The following ERI3 variants were observed in gnomAD, a reference collection of about 807,000 sequenced individuals.
The protein encoded by ERI3 is ERI1 exoribonuclease 3.
A neutral mutation model predicts 44.4 loss-of-function variants in ERI3; 18 were observed. The ratio of observed to expected loss-of-function variants is 0.41; its 90% CI spans 0.28 to 0.60. ERI3 has a LOEUF of 0.60. ERI3 is among the 20% of genes least tolerant of loss of function. The pLI is 0.36. For missense variants in ERI3, 294 were observed against 435.5 expected (o/e 0.68, Z 2.89); for synonymous variants, 183 against 164.8 (o/e 1.11, Z -0.84).
chr1:44,313,814 C>G lies in ERI3; in HGVS notation c.607-586G>C, dbSNP rs538096424. On this transcript the variant is annotated intron_variant, in intron 4 of 8. Coordinates refer to ENST00000372257, the MANE Select transcript of ERI3 (RefSeq NM_024066.3). ...TGCATACGTGGGCCATCAATATGAA[C>G]TAGCCAAGCAAGAGACAGAGTCATC... Among the ~76,000 whole-genome samples the G allele has an allele frequency of 7.1e-4, 108 of 152,238 alleles. 2 individuals are homozygous for G. Among genetic ancestry groups the G allele is most frequent in the African/African-American group, 2.5e-3 (103 of 41,540 alleles).
chr1:44,354,791 G>A, intron 1 of ERI3, 101 bp downstream of exon 1: 2 of 1,285,410 alleles, frequency 1.6e-6, no homozygotes, highest in Non-Finnish European at 2.0e-6. Flanking sequence ...GTAAGCACAT[G>A]GGCCAGCACC....
At chr1:44,245,285 C>T (rs1000795625) in intron 8 of ERI3, among the ~76,000 whole-genome samples, 4 of 152,196 alleles carry the variant, frequency 2.6e-5, no homozygotes, top group Admixed American at 1.3e-4. Flanking sequence ...TGCATCCTCC[C>T]TCCCTTCCAA....
rs553949380 is a variant in ERI3 at position 44,302,211 on chromosome 1, C to T, written c.758+6099G>A. On this transcript the variant is annotated intron_variant, in intron 6 of 8. Transcript: ENST00000372257. ...GAGAAGCATTCATATCTCTTTCCTT[C>T]CCTACTCAGAAAGAGATGTAGCTCA... Among the ~76,000 whole-genome samples the T allele has an allele frequency of 3.9e-5, 6 of 152,356 alleles. No individual in the cohort carries two copies. The South Asian group carries it at 1.2e-3, about 32-fold the overall frequency.
At chr1:44,278,067 T>C (rs1016035490) in intron 7 of ERI3, among the ~76,000 whole-genome samples, 5 of 152,372 alleles carry the variant, frequency 3.3e-5, no homozygotes, top group East Asian at 1.9e-4. Context: ...TTATTTCACA[T>C]GTAATCAATA....
At chr1:44,267,915 G>A (rs1352194898) in intron 7 of ERI3, among the ~76,000 whole-genome samples, 1 of 152,204 alleles carries the variant, frequency 6.6e-6, no homozygotes, top group Non-Finnish European at 1.5e-5. Flanking sequence ...TGAGGGCCCC[G>A]CTTTAGGGCC....
intron 4 of ERI3, among the ~76,000 whole-genome samples, chr1:44,315,457 T>C (rs565029108): frequency 1.3e-5 from 2 of 152,360 alleles, no homozygotes; most frequent in East Asian, 3.9e-4. Flanking sequence ...GGTGCTGCTC[T>C]GGTGTTCTGC....
At chr1:44,259,927 A>T (rs1357935759) in intron 7 of ERI3, among the ~76,000 whole-genome samples, 2 of 144,780 alleles carry the variant, frequency 1.4e-5, no homozygotes, top group Admixed American at 6.8e-5. Flanking sequence ...AGATAGACAG[A>T]CAGACAGACA....
chr1:44,227,283 TG>T (rs1644068861), intron 8 of ERI3, among the ~76,000 whole-genome samples: 1 of 152,220 alleles, frequency 6.6e-6, no homozygotes, highest in Non-Finnish European at 1.5e-5. Context: ...CAAGAGTCCA[TG>T]GAACAGGGAC....
At chr1:44,243,014 C>A (rs1187377599) in intron 8 of ERI3, among the ~76,000 whole-genome samples, 1 of 152,222 alleles carries the variant, frequency 6.6e-6, no homozygotes, top group Non-Finnish European at 1.5e-5. Context: ...CGCAGTGACA[C>A]CTCTCATGGG....
intron 3 of ERI3, among the ~76,000 whole-genome samples, chr1:44,334,284 G>C (rs1419594391): frequency 1.3e-5 from 2 of 152,208 alleles, no homozygotes; most frequent in Non-Finnish European, 2.9e-5. Flanking sequence ...GAACACTGAG[G>C]TGGTGAGTGA....
intron 6 of ERI3, among the ~76,000 whole-genome samples, chr1:44,291,078 G>C (rs1431484932): frequency 6.6e-6 from 1 of 152,172 alleles, no homozygotes; most frequent in Non-Finnish European, 1.5e-5. Context: ...GACACAATGT[G>C]TCACCACTGC....
chr1:44,315,983 C>CT (rs5773826), intron 4 of ERI3, among the ~76,000 whole-genome samples: 1,877 of 145,842 alleles, frequency 0.013, 41 homozygotes, highest in African/African-American at 0.044. Context: ...GAGACCCCAT[C>CT]TTTTTTTTTT....
At chr1:44,347,791 A>G (rs1301715411) in intron 2 of ERI3, among the ~76,000 whole-genome samples, 1 of 150,896 alleles carries the variant, frequency 6.6e-6, no homozygotes, top group Non-Finnish European at 1.5e-5. Context: ...AAAAAAAAGC[A>G]TATTTGACAT....
chr1:44,335,921 C>G (rs1646527479), intron 3 of ERI3, among the ~76,000 whole-genome samples: 3 of 152,166 alleles, frequency 2.0e-5, no homozygotes, highest in Admixed American at 2.0e-4. Flanking sequence ...TCATTCTCAT[C>G]CCAAATCTCA....
chr1:44,221,674 A>G lies in ERI3; in HGVS notation c.932-34T>C, dbSNP rs1450591213. ...GAGAGAAGACATTTAGATCAGCCCC[A>G]GATCCTTCCCCTCCATGCCCACAGG... On this transcript the variant is annotated intron_variant, in intron 8 of 8. Transcript: ENST00000372257. This position sits in a 1 kb window ranked among gnomAD's most constrained non-coding sequence, Gnocchi z 5.9. The G allele has an allele frequency of 1.3e-6, 2 of 1,573,160 alleles. No individual in the cohort carries two copies. The highest frequency in any genetic ancestry group is 8.8e-7 in the Non-Finnish European group (1 of 1,142,822).
chr1:44,313,126 A>G, intron 5 of ERI3, 43 bp downstream of exon 5: 1 of 1,568,178 alleles, frequency 6.4e-7, no homozygotes, highest in Non-Finnish European at 8.8e-7. Flanking sequence ...GAAAGGCAGC[A>G]GGAAGGGGTC....
In ERI3 at chr1:44,354,401, C is replaced by A. The variant is rs149568242; in HGVS notation, c.135+491G>T. On this transcript the variant is annotated intron_variant, in intron 1 of 8. Transcript: ENST00000372257. The stretch of plus-strand genomic sequence containing the variant: ...GGAGCAGTTATATTTTGCAAGAACT[C>A]GCAGTCAAGCCTCAATCCAAGTTCA... The A allele has an allele frequency of 3.0e-5, 30 of 985,434 alleles. No homozygotes were observed. The African/African-American group carries it at 5.2e-4, about 17-fold the overall frequency. The allele number at this position is 985,434 out of a possible 1,614,324, so 61.0% of individuals were successfully genotyped here. A position where few individuals can be genotyped will look rare whatever the true frequency, so the allele number is the denominator to read the frequency against.
chr1:44,224,923 G>C (rs992978459), intron 8 of ERI3, among the ~76,000 whole-genome samples: 6 of 152,244 alleles, frequency 3.9e-5, no homozygotes, highest in African/African-American at 1.4e-4. Flanking sequence ...AGCCCTTGAA[G>C]CCTTGACAAA....
intron 7 of ERI3, among the ~76,000 whole-genome samples, chr1:44,258,936 G>A (rs1256490884): frequency 6.6e-6 from 1 of 152,180 alleles, no homozygotes; most frequent in Non-Finnish European, 1.5e-5. Flanking sequence ...TCTTTGGGGT[G>A]CACCCAACAT....
Sources: allele counts gnomAD v4.1 joint callset (sites outside exome capture counted in the v4.1 genomes callset), GRCh38; gene constraint gnomAD v4.1.1; non-coding constraint Gnocchi (gnomAD v3.1); transcripts MANE v1.5; gene names NCBI Gene and HGNC (gene_info 2026-07-23, HGNC 2026-07-21).